Variants in IARS1 observed in about 807,000 individuals in gnomAD.
IARS1 encodes isoleucyl-tRNA synthetase 1.
Under a neutral mutation model 168.2 loss-of-function variants are expected in IARS1, and 124 were observed. The ratio of observed to expected loss-of-function variants is 0.74; its 90% confidence interval spans 0.64 to 0.86. IARS1 has a LOEUF of 0.86. Ranked by LOEUF, IARS1 falls within the 40% of genes least tolerant of loss-of-function variation. The pLI, the probability that IARS1 is intolerant of heterozygous loss-of-function variation, is 0.00. For missense variants in IARS1, 1,452 were observed against 1,515.8 expected (o/e 0.96, Z 0.70); for synonymous variants, 532 against 529.4 (o/e 1.00, Z -0.07).
rs367935006 is a variant in IARS1 at position 92,268,320 on chromosome 9, T to C, written c.1305-20A>G. On this transcript the variant is annotated intron_variant, in intron 13 of 33. Transcript: ENST00000443024. ...GGGACCCTGCAATAAACAGATCACATAACCAATCACATAAAAATATGGAAA... is the reference window on the plus strand; with the variant it reads ...GGGACCCTGCAATAAACAGATCACACAACCAATCACATAAAAATATGGAAA... 8 of 1,601,666 alleles carry C rather than the reference T, an allele frequency of 5.0e-6. No individual in the cohort carries two copies. Among genetic ancestry groups the C allele is most frequent in the Non-Finnish European group, 6.8e-6 (8 of 1,176,816 alleles).
chr9:92,276,364 T>C (rs1448355453), intron 9 of IARS1, among the ~76,000 whole-genome samples: 1 of 152,108 alleles, frequency 6.6e-6, no homozygotes, highest in African/African-American at 2.4e-5. Flanking sequence ...TAAAGTAATG[T>C]GGGAGGATGT....
intron 28 of IARS1, 86 bp from the exon 29 acceptor site, chr9:92,242,416 G>A (rs1828572525): frequency 9.4e-7 from 1 of 1,059,658 alleles, no homozygotes; most frequent in Non-Finnish European, 1.4e-6. Flanking sequence ...AAGGGCTACA[G>A]ATCCCATGCT....
At chr9:92,287,573 G>T (rs1835651888) in intron 4 of IARS1, 2 of 392,128 alleles carry the variant, frequency 5.1e-6, no homozygotes, top group Admixed American at 4.3e-5. Context: ...CCCTATTGGT[G>T]ATCATGCAAG....
chr9:92,285,948 A>C (rs1835384739), intron 5 of IARS1, 109 bp from the exon 6 acceptor site: 1 of 665,438 alleles, frequency 1.5e-6, no homozygotes, highest in Non-Finnish European at 2.7e-6. Flanking sequence ...TAAGTGAAAA[A>C]ACAATGTCTT....
At chr9:92,239,280 A>C (rs571383597) in intron 30 of IARS1, among the ~76,000 whole-genome samples, 90 of 151,926 alleles carry the variant, frequency 5.9e-4, no homozygotes, top group Non-Finnish European at 1.1e-3. Context: ...GAATGTCTTT[A>C]TTTTCCCATC....
chr9:92,248,519 T>G (rs1041597899), intron 25 of IARS1, among the ~76,000 whole-genome samples: 1 of 151,528 alleles, frequency 6.6e-6, no homozygotes, highest in Non-Finnish European at 1.5e-5. Flanking sequence ...CAAAAGCCTG[T>G]ACTACTATGC....
chr9:92,220,620 AAAACAAAC>A (rs111465873), intron 33 of IARS1, among the ~76,000 whole-genome samples: 29 of 150,970 alleles, frequency 1.9e-4, no homozygotes, highest in East Asian at 1.4e-3. Context: ...ACTCTGTCTC[AAAACAAAC>A]AAACAAACAA....
intron 9 of IARS1, among the ~76,000 whole-genome samples, chr9:92,275,636 CAA>C (rs1428005269): frequency 2.6e-5 from 4 of 152,156 alleles, no homozygotes; most frequent in Non-Finnish European, 5.9e-5. Flanking sequence ...GCAGTATAGA[CAA>C]AGTCACTGCA....
chr9:92,252,642 T>C (rs893600262), intron 21 of IARS1, among the ~76,000 whole-genome samples: 2 of 151,076 alleles, frequency 1.3e-5, no homozygotes, highest in African/African-American at 4.9e-5. Context: ...TGGTGCACAC[T>C]TGTAATCCCA....
chr9:92,282,845 T>C (rs920920235), intron 6 of IARS1, among the ~76,000 whole-genome samples: 169 of 141,660 alleles, frequency 1.2e-3, no homozygotes, highest in African/African-American at 4.0e-3. Context: ...CACACATATA[T>C]ATATATATAT....
At chr9:92,247,227 G>C (rs1362329115) in intron 26 of IARS1, 150 bp downstream of exon 26, 1 of 604,464 alleles carries the variant, frequency 1.7e-6, no homozygotes. Flanking sequence ...AAAGAGAAGA[G>C]AGTAAGGAAA....
In IARS1 at chr9:92,247,361, C is replaced by G; in HGVS notation, c.2791+16G>C. ...CTCAGGACATAAATGGTGCCCTTGT[C>G]TGTGTAGACACCTACCAGTCTTCTG... is the stretch of plus-strand genomic sequence containing the variant. On this transcript the variant is annotated intron_variant, in intron 26 of 33. Coordinates refer to ENST00000443024, the MANE Select transcript of IARS1 (RefSeq NM_002161.6). 1 of 1,607,140 alleles carries G rather than the reference C, an allele frequency of 6.2e-7. No homozygotes were observed. The highest frequency in any genetic ancestry group is 8.5e-7 in the Non-Finnish European group (1 of 1,177,246).
At chr9:92,249,513 C>G (rs1263892073) in intron 25 of IARS1, among the ~76,000 whole-genome samples, 2 of 151,888 alleles carry the variant, frequency 1.3e-5, no homozygotes, top group East Asian at 1.9e-4. Context: ...CTACTGCACT[C>G]TAGCCTGGAT....
intron 28 of IARS1, chr9:92,242,888 G>A (rs1014586945): frequency 7.0e-6 from 2 of 284,516 alleles, no homozygotes; most frequent in African/African-American, 4.4e-5. Flanking sequence ...TGTCTATGCT[G>A]ACTGCACCTC....
chr9:92,243,181 CA>C (rs1554725736), intron 28 of IARS1, 34 bp downstream of exon 28: 3 of 1,541,736 alleles, frequency 1.9e-6, no homozygotes, highest in Non-Finnish European at 2.7e-6. Context: ...AACAAAAAGC[CA>C]AAACAGTAGC....
At position 92,288,270 on chromosome 9, in the gene IARS1, A is replaced by G. The variant is rs749374152; in HGVS notation, c.132T>C (p.Tyr44=). ...QSKHKPKFTF[Y]DGPPFATGLP... is the part of the protein sequence containing the mutation. ...GTCCAGTTGCAAAAGGAGGACCATC[A>G]TAGAAGGTAAATCTAACAGGTAATA... is the stretch of plus-strand genomic sequence containing the variant. Residue 44 remains tyrosine, a synonymous_variant, in exon 3 of 34, where the codon TAT becomes TAC. Transcript: ENST00000443024. 3.1e-6 allele frequency: 5 copies of G among 1,614,044 alleles called. No homozygotes were observed. The Admixed American group carries it at 5.0e-5, about 16-fold the overall frequency.
chr9:92,247,151 G>A (rs146124199), intron 26 of IARS1, among the ~76,000 whole-genome samples: 6 of 152,070 alleles, frequency 3.9e-5, no homozygotes, highest in African/African-American at 1.4e-4. Context: ...CCAAGATCGC[G>A]CCACTGTGCT....
rs1243372123 is a variant in IARS1, at chr9:92,222,509, A to C, written c.3706+11T>G. On this transcript the variant is annotated intron_variant, in intron 33 of 33. Coordinates refer to ENST00000443024, the MANE Select transcript of IARS1 (RefSeq NM_002161.6). ...CAAAAATAAAAAACTTACGGTCCAC[A>C]ATCTCCTTACCCTGCGTTTGGGTCT... 4 of 1,608,992 alleles carry C rather than the reference A, an allele frequency of 2.5e-6. No individual in the cohort carries two copies. The highest frequency in any genetic ancestry group is 3.4e-6 in the Non-Finnish European group (4 of 1,178,436).
chr9:92,273,280 GTAT>G (rs1376329696), intron 10 of IARS1, among the ~76,000 whole-genome samples: 1 of 152,150 alleles, frequency 6.6e-6, no homozygotes, highest in Non-Finnish European at 1.5e-5. Flanking sequence ...CTCTTAAGTA[GTAT>G]TATCAAGAAT....
Sources: allele counts gnomAD v4.1 joint callset (sites outside exome capture counted in the v4.1 genomes callset), GRCh38; gene constraint gnomAD v4.1.1; transcripts MANE v1.5; gene names NCBI Gene and HGNC (gene_info 2026-07-23, HGNC 2026-07-21).